The following LRRC37A2 variants were observed in gnomAD, a reference collection of about 807,000 sequenced individuals.
LRRC37A2 encodes leucine rich repeat containing 37 member A2, also known as leucine-rich repeat-containing protein 37A2.
A neutral mutation model predicts 68.8 loss-of-function variants in LRRC37A2; 9 were observed. The ratio of observed to expected loss-of-function variants is 0.13; its 90% CI spans 0.08 to 0.23. The LOEUF (loss-of-function observed/expected upper bound fraction) is 0.23, where lower values mean the gene tolerates loss of function less well. Among genes scored for constraint, LRRC37A2 ranks in the 10% least tolerant of loss-of-function variants. LRRC37A2 has a pLI of 1.00. For synonymous variants in LRRC37A2, 63 were observed against 367.6 expected, an observed-to-expected ratio of 0.17 and a Z score of 9.48; for missense variants, 168 against 950.4, an observed-to-expected ratio of 0.18 and a Z score of 10.82.
chr17:46,760,794 C>T, the LRRC37A2 span, among the ~76,000 whole-genome samples: 1 of 152,156 alleles, frequency 6.6e-6, no homozygotes, highest in Non-Finnish European at 1.5e-5. Context: ...AAATTCCACA[C>T]CTGACCTTGT....
the LRRC37A2 span, among the ~76,000 whole-genome samples, chr17:46,731,529 G>T: frequency 6.6e-6 from 1 of 152,274 alleles, no homozygotes; most frequent in Admixed American, 6.5e-5. Flanking sequence ...TTTTAGAAGT[G>T]GTTTAGGAGC....
At chr17:46,703,769 A>G in the LRRC37A2 span, among the ~76,000 whole-genome samples, 1 of 149,652 alleles carries the variant, frequency 6.7e-6, no homozygotes, top group Non-Finnish European at 1.5e-5. Context: ...AGTGGCATTA[A>G]ATACATTCTT....
At chr17:46,854,485 T>C in the LRRC37A2 span, among the ~76,000 whole-genome samples, 2 of 152,148 alleles carry the variant, frequency 1.3e-5, no homozygotes, top group African/African-American at 4.8e-5. Flanking sequence ...GGATCTCTGG[T>C]CCAAAACTCA....
At chr17:47,009,099 C>A in the LRRC37A2 span, among the ~76,000 whole-genome samples, 1 of 151,548 alleles carries the variant, frequency 6.6e-6, no homozygotes, top group Non-Finnish European at 1.5e-5. Context: ...CATCACTGCA[C>A]TCCAACTGGG....
chr17:46,803,417 C>T, the LRRC37A2 span, among the ~76,000 whole-genome samples: 1 of 152,124 alleles, frequency 6.6e-6, no homozygotes, highest in Admixed American at 6.5e-5. Flanking sequence ...ACCTATGATC[C>T]CAGCTACTCG....
chr17:46,853,440 T>C, the LRRC37A2 span, among the ~76,000 whole-genome samples: 12 of 149,472 alleles, frequency 8.0e-5, no homozygotes, highest in Middle Eastern at 3.4e-3. Flanking sequence ...GATGTGATCT[T>C]GGGTCACTGC....
chr17:46,715,985 G>C, the LRRC37A2 span, among the ~76,000 whole-genome samples: 1 of 152,042 alleles, frequency 6.6e-6, no homozygotes, highest in Non-Finnish European at 1.5e-5. Flanking sequence ...TAGAATTTTT[G>C]GTTTTCCTTG....
chr17:46,999,856 G>A, the LRRC37A2 span, among the ~76,000 whole-genome samples: 2 of 150,558 alleles, frequency 1.3e-5, no homozygotes, highest in East Asian at 2.0e-4. Flanking sequence ...AAAATTAGCC[G>A]GGTGTGGTGG....
At chr17:47,025,318 AC>A in the LRRC37A2 span, among the ~76,000 whole-genome samples, 5 of 152,292 alleles carry the variant, frequency 3.3e-5, no homozygotes, top group South Asian at 1.0e-3. Context: ...AATGGAGACC[AC>A]CTGCATTCAT....
the LRRC37A2 span, among the ~76,000 whole-genome samples, chr17:46,585,100 C>T: frequency 4.4e-5 from 4 of 91,436 alleles, no homozygotes; most frequent in Non-Finnish European, 9.4e-5. Flanking sequence ...GTCAGGAGTT[C>T]GAGAGCTGTC....
At chr17:46,728,060 G>A in the LRRC37A2 span, among the ~76,000 whole-genome samples, 1 of 152,194 alleles carries the variant, frequency 6.6e-6, no homozygotes, top group East Asian at 1.9e-4. Context: ...TGAAAATGGA[G>A]GGATCAGTTT....
chr17:46,714,450 T>A, the LRRC37A2 span, among the ~76,000 whole-genome samples: 7 of 152,214 alleles, frequency 4.6e-5, no homozygotes, highest in East Asian at 1.9e-4. Context: ...ATAATCAGAA[T>A]CTGCTTGGTA....
the LRRC37A2 span, among the ~76,000 whole-genome samples, chr17:46,994,888 A>G: frequency 6.6e-6 from 1 of 152,162 alleles, no homozygotes; most frequent in Non-Finnish European, 1.5e-5. Flanking sequence ...TTGGGAGGCC[A>G]AAGTGGGTGG....
the LRRC37A2 span, chr17:46,924,602 TTCTC>T: frequency 6.6e-6 from 1 of 152,360 alleles, no homozygotes; most frequent in East Asian, 1.9e-4. Context: ...ATGATCCTCT[TTCTC>T]TTTCATTTTC....
chr17:46,490,646 C>T, the LRRC37A2 span, among the ~76,000 whole-genome samples: 2 of 149,200 alleles, frequency 1.3e-5, no homozygotes, highest in Non-Finnish European at 2.9e-5. Context: ...ATCGCTTAAA[C>T]TCAGGAGGCG....
the LRRC37A2 span, among the ~76,000 whole-genome samples, chr17:46,716,025 G>A: frequency 6.6e-6 from 1 of 152,106 alleles, no homozygotes; most frequent in Non-Finnish European, 1.5e-5. Context: ...TGTCATTAAA[G>A]TTCAGAAAAG....
At chr17:47,000,274 A>C in the LRRC37A2 span, among the ~76,000 whole-genome samples, 1 of 138,562 alleles carries the variant, frequency 7.2e-6, no homozygotes. Context: ...CTGCTCTGCC[A>C]CCCAGGCTGG....
the LRRC37A2 span, among the ~76,000 whole-genome samples, chr17:46,790,744 C>T: frequency 6.6e-6 from 1 of 152,222 alleles, no homozygotes; most frequent in Non-Finnish European, 1.5e-5. Flanking sequence ...CAAAACTTCC[C>T]TGATCCAGCA....
the LRRC37A2 span, among the ~76,000 whole-genome samples, chr17:46,926,362 G>A: frequency 1.1e-4 from 16 of 152,302 alleles, no homozygotes; most frequent in East Asian, 2.5e-3. Flanking sequence ...CAAAGTGGAT[G>A]TTATGGGGTG....
Sources: gnomAD v4.1 joint callset for allele counts (sites outside exome capture counted in the v4.1 genomes callset) on GRCh38, gnomAD v4.1.1 for gene constraint, MANE v1.5 for transcripts, NCBI Gene and HGNC (gene_info 2026-07-23, HGNC 2026-07-21) for gene names.